PCDHA6: variants seen among roughly 807,000 people sequenced by gnomAD.
PCDHA6 encodes protocadherin alpha-6.
A neutral mutation model predicts 60.3 loss-of-function variants in PCDHA6; 55 were observed. The observed-to-expected ratio is 0.91, with a 90% CI of 0.73 to 1.14. The LOEUF (loss-of-function observed/expected upper bound fraction) is 1.14. PCDHA6 is among the 50% of genes most tolerant of loss of function. The probability of loss-of-function intolerance (pLI) is 0.00; values close to 1 mark genes in which losing one functional copy is unlikely to be tolerated. For missense variants in PCDHA6, 1,327 were observed against 1,256.5 expected (o/e 1.06, Z -0.85); for synonymous variants, 652 against 557.9 (o/e 1.17, Z -2.38).
intron 1 of PCDHA6, chr5:140,869,313 A>T: frequency 6.2e-7 from 1 of 1,613,736 alleles, no homozygotes. Context: ...CGTCCAAAAC[A>T]CATGGGGACC....
intron 3 of PCDHA6, among the ~76,000 whole-genome samples, chr5:140,996,245 G>A (rs2097718426): frequency 6.6e-6 from 1 of 152,220 alleles, no homozygotes; most frequent in South Asian, 2.1e-4. Context: ...AGGCTGAGAA[G>A]TGACAGCAAC....
rs189687890 is a variant in PCDHA6 at position 140,972,728 on chromosome 5, A to G, written c.2395-6221A>G. ...TGCCAGGCTGGAGTGCAGTGGCGTA[A>G]TCCCGGCTCACTGCAACCTCCGCCT... On this transcript the variant is annotated intron_variant, in intron 1 of 3. Transcript: ENST00000529310. Among the ~76,000 whole-genome samples the G allele has an allele frequency of 6.0e-3, 882 of 147,958 alleles. 8 individuals carry two copies. Among genetic ancestry groups the G allele is most frequent in the African/African-American group, 0.021 (847 of 39,742 alleles).
chr5:141,009,941 C>T lies in PCDHA6; in HGVS notation c.*4C>T, dbSNP rs976573218. On this transcript the variant is annotated 3_prime_UTR_variant, in exon 4 of 4. Coordinates refer to ENST00000529310, the MANE Select transcript of PCDHA6 (RefSeq NM_018909.4). ...GACTGACAACAGTGACCAGTGAGGT[C>T]CTCAAATGGAAACAAGCCACTTAGC... is the stretch of plus-strand genomic sequence containing the variant. 6.3e-7 allele frequency: 1 copy of T among 1,597,476 alleles called. No individual in the cohort carries two copies. The highest frequency in any genetic ancestry group is 1.4e-5 in the African/African-American group (1 of 73,558).
At position 140,995,103 on chromosome 5, in the gene PCDHA6, C is replaced by T. The variant is rs535399594; in HGVS notation, c.2542+12540C>T. Reference sequence around the variant, plus strand: ...CAAACTTATCTGTGGAGATACATTCCAAGACCCTCAGTGGATGCCTGAAAC... The same window carrying T: ...CAAACTTATCTGTGGAGATACATTCTAAGACCCTCAGTGGATGCCTGAAAC... On this transcript the variant is annotated intron_variant, in intron 3 of 3. Coordinates refer to ENST00000529310, the MANE Select transcript of PCDHA6 (RefSeq NM_018909.4). 1.1e-4 allele frequency among the ~76,000 whole-genome samples: 16 copies of T among 152,290 alleles called. No individual in the cohort carries two copies. In the South Asian group the frequency reaches 2.9e-3, roughly 28 times the overall value.
chr5:140,884,138 G>A (rs782798249), intron 1 of PCDHA6: 3 of 1,613,410 alleles, frequency 1.9e-6, no homozygotes, highest in South Asian at 1.1e-5. Context: ...CCCGTTCCGC[G>A]TGGGGCTGTA....
intron 1 of PCDHA6, chr5:140,871,278 G>A: frequency 6.2e-7 from 1 of 1,613,918 alleles, no homozygotes; most frequent in African/African-American, 1.3e-5. Context: ...GGTCGGCAAC[G>A]CCCACTGAGG....
intron 1 of PCDHA6, chr5:140,864,877 T>C (rs1475391841): frequency 6.6e-6 from 1 of 152,220 alleles, no homozygotes; most frequent in Non-Finnish European, 1.5e-5. Flanking sequence ...CCATTGTCTG[T>C]GTTCATTAAG....
chr5:140,921,706 T>C (rs2080341352), intron 1 of PCDHA6, among the ~76,000 whole-genome samples: 1 of 152,148 alleles, frequency 6.6e-6, no homozygotes, highest in Non-Finnish European at 1.5e-5. Flanking sequence ...TTTTAAACAG[T>C]AAACACACGA....
intron 1 of PCDHA6, chr5:140,834,282 AC>A (rs1772883613): frequency 8.7e-7 from 1 of 1,147,956 alleles, no homozygotes; most frequent in Non-Finnish European, 1.2e-6. Flanking sequence ...CTTTGGATGC[AC>A]AACAATGGCC....
At position 140,828,273 on chromosome 5, in the gene PCDHA6, C is replaced by T. The variant is rs2150153408; in HGVS notation, c.182C>T (p.Pro61Leu). ...GGGCTGGAGCTGGCGGAGCTGGTGC[C>T]GCGCCTGTTCAGGATGGCCTCCAAA... ...DLGLELAELV[P>L]RLFRMASKDR... Residue 61 changes from proline (P) to leucine (L), a missense_variant, in exon 1 of 4, where the codon CCG (proline) becomes CTG (leucine). By Grantham distance (98) the Pro-to-Leu change is moderately conservative. Transcript: ENST00000529310. The T allele has an allele frequency of 1.2e-5, 19 of 1,614,048 alleles. No individual in the cohort carries two copies. The highest frequency in any genetic ancestry group is 1.7e-5 in the Admixed American group (1 of 60,030).
At chr5:140,841,346 C>G (rs1777168943) in intron 1 of PCDHA6, 1 of 1,612,554 alleles carries the variant, frequency 6.2e-7, no homozygotes, top group Non-Finnish European at 8.5e-7. Context: ...GCGAGGAGAG[C>G]TGGGATCCTG....
chr5:140,983,282 G>A (rs1030439196), intron 3 of PCDHA6, among the ~76,000 whole-genome samples: 1 of 152,152 alleles, frequency 6.6e-6, no homozygotes, highest in Non-Finnish European at 1.5e-5. Context: ...GTGAGTATAG[G>A]AAAATTGCTT....
At chr5:140,884,812 G>C in intron 1 of PCDHA6, 2 of 1,117,104 alleles carry the variant, frequency 1.8e-6, no homozygotes, top group Non-Finnish European at 2.5e-6. Flanking sequence ...ACTCTGCTGT[G>C]GACATTATGT....
chr5:140,872,003 A>G (rs1314439086), intron 1 of PCDHA6, among the ~76,000 whole-genome samples: 1 of 152,202 alleles, frequency 6.6e-6, no homozygotes, highest in South Asian at 2.1e-4. Context: ...GGCTATTTAC[A>G]GGTGACCTGT....
intron 3 of PCDHA6, among the ~76,000 whole-genome samples, chr5:141,003,237 T>G (rs1357530548): frequency 6.6e-6 from 1 of 152,228 alleles, no homozygotes; most frequent in Non-Finnish European, 1.5e-5. Flanking sequence ...CTGGAAATTT[T>G]GCCAAAAAGA....
intron 1 of PCDHA6, chr5:140,875,516 T>C: frequency 6.2e-7 from 1 of 1,613,976 alleles, no homozygotes; most frequent in Non-Finnish European, 8.5e-7. Context: ...CAGCGTCTGC[T>C]GCTCTCGCTT....
chr5:140,876,847 G>T, intron 1 of PCDHA6: 1 of 1,614,140 alleles, frequency 6.2e-7, no homozygotes, highest in Non-Finnish European at 8.5e-7. Context: ...CGCGCAGCCC[G>T]AGTACACAGT....
rs1554131483 is a variant in PCDHA6, at chr5:140,828,723, T to G, written c.632T>G (p.Phe211Cys). ...DREEAPAHNL[F>C]LTATDGGKPE... ...GAGGAAGCTCCTGCACACAACTTAT[T>G]CCTGACAGCCACAGATGGGGGCAAA... The change falls in exon 1 of 4, where the codon TTC becomes TGC. Residue 211 changes from phenylalanine to cysteine, a missense_variant. Phe to Cys is a radical substitution (Grantham distance 205). Coordinates refer to ENST00000529310, the MANE Select transcript of PCDHA6 (RefSeq NM_018909.4). 12 of 1,614,088 alleles carry G rather than the reference T, an allele frequency of 7.4e-6. No individual in the cohort carries two copies. Among genetic ancestry groups the G allele is most frequent in the Admixed American group, 1.7e-5 (1 of 60,008 alleles).
intron 1 of PCDHA6, chr5:140,926,980 A>C: frequency 3.1e-6 from 5 of 1,610,364 alleles, no homozygotes; most frequent in Non-Finnish European, 4.2e-6. Flanking sequence ...GCCGGAGGAG[A>C]CGGAGCGGGG....
Sources: gnomAD v4.1 joint callset for allele counts (sites outside exome capture counted in the v4.1 genomes callset) on GRCh38, gnomAD v4.1.1 for gene constraint, MANE v1.5 for transcripts, NCBI Gene and HGNC (gene_info 2026-07-23, HGNC 2026-07-21) for gene names.